Variants in ZC3H12B observed in about 807,000 individuals in gnomAD.
ZC3H12B encodes zinc finger CCCH-type containing 12B.
In ZC3H12B, 7 loss-of-function variants were observed where a neutral mutation model predicts 43.9. The observed-to-expected ratio is 0.16, with a 90% CI of 0.09 to 0.30. ZC3H12B has a LOEUF of 0.30. Among genes scored for constraint, ZC3H12B ranks in the 10% least tolerant of loss-of-function variants. ZC3H12B has a pLI of 1.00. For synonymous variants in ZC3H12B, 222 were observed against 241.7 expected, an observed-to-expected ratio of 0.92 and a Z score of 0.76; for missense variants, 475 against 670.2, an observed-to-expected ratio of 0.71 and a Z score of 3.22.
chrX:65,097,728 C>T, the ZC3H12B span, among the ~76,000 whole-genome samples: 1 of 111,952 alleles, frequency 8.9e-6, no homozygotes, highest in Non-Finnish European at 1.9e-5. Context: ...AATAGTCCTG[C>T]TTTTTCATCT....
the ZC3H12B span, among the ~76,000 whole-genome samples, chrX:65,073,382 C>T: frequency 4.9e-4 from 55 of 112,018 alleles, no homozygotes; most frequent in African/African-American, 1.7e-3. Flanking sequence ...TCTGGCCAGG[C>T]ATGGTTCACC....
chrX:65,212,307 ATATAATTATTATATTTATAT>A, the ZC3H12B span, among the ~76,000 whole-genome samples: 1 of 16,186 alleles, frequency 6.2e-5, no homozygotes, highest in African/African-American at 1.3e-4. Flanking sequence ...ATAATATATA[ATATAATTATTATATTTATAT>A]TATATAATAT....
intron 3 of ZC3H12B, among the ~76,000 whole-genome samples, chrX:65,407,369 C>T (rs1376051858): frequency 8.9e-6 from 1 of 112,306 alleles, no homozygotes; most frequent in East Asian, 2.9e-4. Flanking sequence ...GCTGGTCGCA[C>T]GGGGCGTGCC....
chrX:65,155,714 G>C, the ZC3H12B span, among the ~76,000 whole-genome samples: 1 of 110,807 alleles, frequency 9.0e-6, no homozygotes, highest in African/African-American at 3.3e-5. Flanking sequence ...AAAAAAATTA[G>C]CCAGGCGTGG....
the ZC3H12B span, among the ~76,000 whole-genome samples, chrX:65,143,880 G>A: frequency 1.9e-4 from 21 of 110,732 alleles, 1 homozygote; most frequent in Admixed American, 2.0e-3. Context: ...TGAGTTACCT[G>A]TTTTATATGT....
chrX:65,378,724 C>T (rs1015680882), intron 2 of ZC3H12B, among the ~76,000 whole-genome samples: 1 of 112,334 alleles, frequency 8.9e-6, no homozygotes, highest in African/African-American at 3.2e-5. Flanking sequence ...GAGTGCCAGA[C>T]AGTGGGCACA....
chrX:65,230,379 T>A, the ZC3H12B span, among the ~76,000 whole-genome samples: 1 of 107,742 alleles, frequency 9.3e-6, no homozygotes, highest in Admixed American at 1.0e-4. Context: ...CTCTGGGGAC[T>A]GTTGTGGGAT....
the ZC3H12B span, among the ~76,000 whole-genome samples, chrX:65,321,551 T>C: frequency 9.0e-6 from 1 of 111,412 alleles, no homozygotes; most frequent in South Asian, 3.8e-4. Flanking sequence ...CATTACTGTG[T>C]ATATGCCCCC....
chrX:65,370,923 A>G (rs1339961503), intron 2 of ZC3H12B, among the ~76,000 whole-genome samples: 1 of 111,979 alleles, frequency 8.9e-6, no homozygotes, highest in Non-Finnish European at 1.9e-5. Context: ...AAAGGGGACC[A>G]GAGTTCCAAT....
chrX:65,461,641 G>A (rs1408345157), intron 3 of ZC3H12B, among the ~76,000 whole-genome samples: 1 of 111,259 alleles, frequency 9.0e-6, no homozygotes, highest in Non-Finnish European at 1.9e-5. Flanking sequence ...TCATATGTGG[G>A]AATTGAACAA....
At chrX:65,101,960 A>G in the ZC3H12B span, among the ~76,000 whole-genome samples, 30 of 112,410 alleles carry the variant, frequency 2.7e-4, no homozygotes, top group African/African-American at 8.4e-4. Context: ...AATATCCCTG[A>G]TGAACATCGA....
the ZC3H12B span, among the ~76,000 whole-genome samples, chrX:65,092,660 C>G: frequency 1.8e-5 from 2 of 111,965 alleles, 1 homozygote; most frequent in South Asian, 7.5e-4. Flanking sequence ...GAAGGAATTT[C>G]TAAGCAGCAA....
At chrX:65,234,089 G>T in the ZC3H12B span, among the ~76,000 whole-genome samples, 2 of 111,333 alleles carry the variant, frequency 1.8e-5, no homozygotes, top group Non-Finnish European at 3.8e-5. Flanking sequence ...TGCAGGCCAA[G>T]ATCTCTGATG....
chrX:65,188,781 T>C, the ZC3H12B span, among the ~76,000 whole-genome samples: 63 of 95,152 alleles, frequency 6.6e-4, 1 homozygote, highest in East Asian at 0.016. Flanking sequence ...TGAATTTTTA[T>C]ATTAGTTCTA....
the ZC3H12B span, among the ~76,000 whole-genome samples, chrX:65,257,305 G>A: frequency 9.0e-6 from 1 of 111,693 alleles, no homozygotes; most frequent in Admixed American, 9.5e-5. Context: ...CCTTTGCAGG[G>A]ACATGGATGA....
the ZC3H12B span, chrX:65,357,076 C>A: frequency 1.8e-6 from 1 of 551,292 alleles, no homozygotes; most frequent in African/African-American, 2.3e-5. Context: ...AAAGAGAGGG[C>A]CAGTCACTGC....
At chrX:65,058,694 C>G in the ZC3H12B span, among the ~76,000 whole-genome samples, 1 of 112,012 alleles carries the variant, frequency 8.9e-6, no homozygotes, top group African/African-American at 3.2e-5. Flanking sequence ...CAGAGTCAGG[C>G]AGACCTCCTT....
the ZC3H12B span, among the ~76,000 whole-genome samples, chrX:65,080,837 C>G: frequency 9.0e-6 from 1 of 111,515 alleles, no homozygotes; most frequent in African/African-American, 3.3e-5. Context: ...AATATTATAA[C>G]ATGTCACTGT....
chrX:65,053,620 C>A, the ZC3H12B span, among the ~76,000 whole-genome samples: 1 of 111,506 alleles, frequency 9.0e-6, no homozygotes, highest in South Asian at 3.8e-4. Context: ...TGGGTATATA[C>A]CCAGTAATGG....
Sources: gnomAD v4.1 joint callset for allele counts (sites outside exome capture counted in the v4.1 genomes callset) on GRCh38, gnomAD v4.1.1 for gene constraint, MANE v1.5 for transcripts, NCBI Gene and HGNC (gene_info 2026-07-23, HGNC 2026-07-21) for gene names.